Variants in PPFIA2 observed in about 807,000 individuals in gnomAD.
PPFIA2 encodes PPFI scaffold protein A2, also known as liprin-alpha-2.
A neutral mutation model predicts 175.5 loss-of-function variants in PPFIA2; 46 were observed. That is an observed-to-expected ratio of 0.26 (90% CI 0.21 to 0.34). The LOEUF (loss-of-function observed/expected upper bound fraction) is 0.34. PPFIA2 is among the 10% of genes least tolerant of loss of function. The pLI, the probability that PPFIA2 is intolerant of heterozygous loss-of-function variation, is 1.00. For synonymous variants in PPFIA2, 568 were observed against 511.4 expected, an observed-to-expected ratio of 1.11 and a Z score of -1.49; for missense variants, 1,179 against 1,506.1, an observed-to-expected ratio of 0.78 and a Z score of 3.60.
At chr12:81,551,956 AT>A (rs2153370583) in intron 4 of PPFIA2, among the ~76,000 whole-genome samples, 1 of 151,970 alleles carries the variant, frequency 6.6e-6, no homozygotes, top group South Asian at 2.1e-4. Flanking sequence ...TTAAATGCCT[AT>A]ACTGAGGCCT....
At chr12:81,668,755 T>C (rs149627749) in intron 4 of PPFIA2, among the ~76,000 whole-genome samples, 63 of 152,122 alleles carry the variant, frequency 4.1e-4, no homozygotes, top group African/African-American at 1.4e-3. Context: ...CTGTGGTGAA[T>C]ATGTCTAACA....
At chr12:81,515,177 T>C (rs879620342) in intron 4 of PPFIA2, among the ~76,000 whole-genome samples, 5 of 151,984 alleles carry the variant, frequency 3.3e-5, no homozygotes, top group Admixed American at 1.3e-4. Context: ...TTATTTATAA[T>C]GAACAGTATT....
chr12:81,407,477 T>C (rs1008645734), intron 7 of PPFIA2, among the ~76,000 whole-genome samples: 1 of 144,778 alleles, frequency 6.9e-6, no homozygotes, highest in African/African-American at 2.6e-5. Flanking sequence ...AGGGAGACTC[T>C]GTCTTAAAAT....
In PPFIA2 at chr12:81,258,255, A is replaced by T. The variant is rs970300359; in HGVS notation, c.*1439T>A. The T allele has an allele frequency of 2.0e-5, 3 of 152,208 alleles. No individual in the cohort carries two copies. The highest frequency in any genetic ancestry group is 7.2e-5 in the African/African-American group (3 of 41,474). The allele number at this position is 152,208 out of a possible 1,614,324, so 9.4% of individuals were successfully genotyped here. A position where few individuals can be genotyped will look rare whatever the true frequency, so the allele number is the denominator to read the frequency against. On this transcript the variant is annotated 3_prime_UTR_variant, in exon 33 of 33. Coordinates refer to ENST00000549396, the MANE Select transcript of PPFIA2 (RefSeq NM_003625.5). ...CTTATGTGACTAGAAAACAAAGCTTAAACAGAGAACTGGAATTATTATTTT... is the reference window on the plus strand; with the variant it reads ...CTTATGTGACTAGAAAACAAAGCTTTAACAGAGAACTGGAATTATTATTTT...
At chr12:81,585,028 A>AATTATATTTATATATAATAT (rs1567452310) in intron 4 of PPFIA2, among the ~76,000 whole-genome samples, 135 of 80,272 alleles carry the variant, frequency 1.7e-3, no homozygotes, top group African/African-American at 5.9e-3. Flanking sequence ...ATAATATATT[A>AATTATATTTATATATAATAT]ATTATATTTA....
At chr12:81,268,182 A>G (rs1593429661) in intron 28 of PPFIA2, 95 bp from the exon 29 acceptor site, 1 of 951,284 alleles carries the variant, frequency 1.1e-6, no homozygotes, top group Non-Finnish European at 1.4e-6. Context: ...TCTGTCGCCC[A>G]GGCTGGAGTG....
chr12:81,575,570 T>A (rs547515104), intron 4 of PPFIA2, among the ~76,000 whole-genome samples: 1 of 151,766 alleles, frequency 6.6e-6, no homozygotes, highest in Non-Finnish European at 1.5e-5. Flanking sequence ...CAGAAAGATA[T>A]ATGGGCTCTG....
chr12:81,286,286 AG>A (rs1043086354), intron 24 of PPFIA2, among the ~76,000 whole-genome samples: 7 of 152,092 alleles, frequency 4.6e-5, no homozygotes, highest in South Asian at 2.1e-4. Context: ...GGAAATAAAA[AG>A]GTTTTTTTAT....
In PPFIA2 at chr12:81,267,941, A is replaced by G; in HGVS notation, c.3457T>C (p.Leu1153=). The G allele has an allele frequency of 1.3e-6, 2 of 1,597,982 alleles. No individual in the cohort carries two copies. The highest frequency in any genetic ancestry group is 1.7e-6 in the Non-Finnish European group (2 of 1,171,308). The change falls in exon 29 of 33, where the codon TTA becomes CTA. Residue 1153 remains leucine, a synonymous_variant. Transcript: ENST00000549396. ...ENFDYSSLAL[L]LQIPTQNTQA... Reference sequence around the variant, plus strand: ...GTGTTCTGTGTTGGAATCTGTAATAATAAAGCTAAGCTGCTGTAGTCAAAG... The same window carrying G: ...GTGTTCTGTGTTGGAATCTGTAATAGTAAAGCTAAGCTGCTGTAGTCAAAG...
chr12:81,259,917 T>C (rs1175932379), intron 32 of PPFIA2: 1 of 331,660 alleles, frequency 3.0e-6, no homozygotes, highest in Non-Finnish European at 5.4e-6. Flanking sequence ...TAAACAAAGG[T>C]AGTTATGCAA....
intron 3 of PPFIA2, among the ~76,000 whole-genome samples, chr12:81,681,994 A>T (rs1010671232): frequency 1.3e-5 from 2 of 152,078 alleles, no homozygotes; most frequent in Non-Finnish European, 2.9e-5. Flanking sequence ...AAGTCACTTA[A>T]TGTAATATGA....
In PPFIA2 at chr12:81,509,327, T is replaced by A. The variant is rs139756737; in HGVS notation, c.304-51461A>T. On this transcript the variant is annotated intron_variant, in intron 4 of 32. Coordinates refer to ENST00000549396, the MANE Select transcript of PPFIA2 (RefSeq NM_003625.5). ...AAGGTTTTCCATTTTAGCCATCATC[T>A]TGATGACAAAAGACCTTCAAATTTT... Among the ~76,000 whole-genome samples the A allele has an allele frequency of 3.5e-3, 532 of 152,320 alleles. 3 individuals carry two copies. The highest frequency in any genetic ancestry group is 0.01 in the Middle Eastern group (3 of 294).
intron 4 of PPFIA2, among the ~76,000 whole-genome samples, chr12:81,463,311 T>C (rs1343390610): frequency 6.6e-6 from 1 of 152,170 alleles, no homozygotes; most frequent in Non-Finnish European, 1.5e-5. Flanking sequence ...ACTTTATTCA[T>C]ACTTCATCAA....
At chr12:81,650,363 A>G (rs1376797634) in intron 4 of PPFIA2, among the ~76,000 whole-genome samples, 1 of 152,084 alleles carries the variant, frequency 6.6e-6, no homozygotes, top group Admixed American at 6.6e-5. Context: ...GTACCTGAGT[A>G]AAAAAATTAA....
chr12:81,663,162 C>G (rs1333109244), intron 4 of PPFIA2, among the ~76,000 whole-genome samples: 2 of 152,154 alleles, frequency 1.3e-5, no homozygotes, highest in East Asian at 3.9e-4. Flanking sequence ...CACTCCTATT[C>G]AACACAGTGT....
At position 81,711,085 on chromosome 12, in the gene PPFIA2, G is replaced by T. The variant is rs1010817506; in HGVS notation, c.250-34241C>A. 2.4e-4 allele frequency among the ~76,000 whole-genome samples: 36 copies of T among 150,962 alleles called. 1 individual carries two copies. Among genetic ancestry groups the T allele is most frequent in the African/African-American group, 8.7e-4 (36 of 41,336 alleles). ...TCACCATTAAAAATCAAAAACATTA[G>T]CCAGGTGTGGTACACATCTGTGGTC... is the stretch of plus-strand genomic sequence containing the variant. On this transcript the variant is annotated intron_variant, in intron 3 of 32. Transcript: ENST00000549396.
intron 4 of PPFIA2, among the ~76,000 whole-genome samples, chr12:81,470,529 CAT>C (rs1189294241): frequency 1.3e-5 from 2 of 152,162 alleles, no homozygotes; most frequent in Non-Finnish European, 2.9e-5. Flanking sequence ...AGCGGTAAAA[CAT>C]AGAGTTATCG....
chr12:81,652,345 T>G (rs370886132), intron 4 of PPFIA2, among the ~76,000 whole-genome samples: 1 of 151,328 alleles, frequency 6.6e-6, no homozygotes, highest in East Asian at 1.9e-4. Context: ...AAGTTATCAT[T>G]GGCGATTTGC....
intron 3 of PPFIA2, among the ~76,000 whole-genome samples, chr12:81,715,883 G>C (rs1225684361): frequency 1.3e-5 from 2 of 151,340 alleles, no homozygotes; most frequent in Non-Finnish European, 3.0e-5. Context: ...CACAATTATA[G>C]TTTCTTACAA....
Sources: gnomAD v4.1 joint callset for allele counts (sites outside exome capture counted in the v4.1 genomes callset) on GRCh38, gnomAD v4.1.1 for gene constraint, MANE v1.5 for transcripts, NCBI Gene and HGNC (gene_info 2026-07-23, HGNC 2026-07-21) for gene names.